Variants in TMEM108 observed in about 807,000 individuals in gnomAD.
TMEM108 encodes the protein cancer/testis antigen 124.
In TMEM108, 12 loss-of-function variants were observed where a neutral mutation model predicts 35.1. That is an observed-to-expected ratio of 0.34 (90% CI 0.22 to 0.55). The LOEUF is 0.55. TMEM108 is among the 20% of genes least tolerant of loss of function. TMEM108 has a pLI of 0.89. For synonymous variants in TMEM108, 287 were observed against 308.6 expected (o/e 0.93, Z 0.73); for missense variants, 680 against 753.3 (o/e 0.90, Z 1.14).
chr3:133,052,044 T>C (rs1368034669), intron 2 of TMEM108, among the ~76,000 whole-genome samples: 1 of 152,102 alleles, frequency 6.6e-6, no homozygotes, highest in African/African-American at 2.4e-5. Context: ...CTTGCTGGGA[T>C]TTTGATTGGG....
intron 3 of TMEM108, among the ~76,000 whole-genome samples, chr3:133,326,120 AC>A (rs1276617558): frequency 2.0e-5 from 3 of 152,190 alleles, no homozygotes; most frequent in Non-Finnish European, 1.5e-5. Context: ...AAACAAAAAA[AC>A]ACAAAATTTT....
chr3:133,142,425 A>T (rs990322106), intron 2 of TMEM108, among the ~76,000 whole-genome samples: 1 of 152,194 alleles, frequency 6.6e-6, no homozygotes, highest in African/African-American at 2.4e-5. Flanking sequence ...TGAGGAGAGC[A>T]GCTCAGCTGG....
At chr3:133,237,808 T>C (rs1042455666) in intron 3 of TMEM108, among the ~76,000 whole-genome samples, 2 of 152,218 alleles carry the variant, frequency 1.3e-5, no homozygotes, top group Non-Finnish European at 1.5e-5. Context: ...GCAAATGCTT[T>C]TTCATTAAAA....
intron 2 of TMEM108, among the ~76,000 whole-genome samples, chr3:133,090,640 A>G (rs1029371529): frequency 1.1e-3 from 163 of 152,338 alleles, no homozygotes; most frequent in African/African-American, 3.7e-3. Flanking sequence ...TCAAAGGCGC[A>G]TTTTTAAGAG....
chr3:133,238,429 G>A (rs767432792), intron 3 of TMEM108, among the ~76,000 whole-genome samples: 1 of 152,132 alleles, frequency 6.6e-6, no homozygotes, highest in African/African-American at 2.4e-5. Context: ...AAGACAAAAC[G>A]TTTCTTAAAC....
intron 2 of TMEM108, among the ~76,000 whole-genome samples, chr3:133,067,263 G>T (rs115420294): frequency 0.028 from 4,203 of 152,150 alleles, 103 homozygotes; most frequent in South Asian, 0.061. Context: ...AGAGGAGCTC[G>T]TGTGCTTCAC....
intron 3 of TMEM108, among the ~76,000 whole-genome samples, chr3:133,255,144 G>A (rs535453760): frequency 1.3e-5 from 2 of 152,286 alleles, no homozygotes; most frequent in East Asian, 3.9e-4. Flanking sequence ...AGATTACATG[G>A]CCTAGCCAGG....
chr3:133,272,312 T>TGTGTGTG (rs1553755045), intron 3 of TMEM108, among the ~76,000 whole-genome samples: 5 of 141,910 alleles, frequency 3.5e-5, no homozygotes, highest in South Asian at 2.3e-4. Context: ...TGTGTGTGTG[T>TGTGTGTG]TTCCTAAAGG....
At chr3:133,310,699 A>C (rs1221661411) in intron 3 of TMEM108, among the ~76,000 whole-genome samples, 1 of 151,764 alleles carries the variant, frequency 6.6e-6, no homozygotes, top group Non-Finnish European at 1.5e-5. Context: ...GTGTCTTTTA[A>C]TTGGGGCATT....
At chr3:133,227,670 G>A (rs1946094235) in intron 2 of TMEM108, among the ~76,000 whole-genome samples, 1 of 151,656 alleles carries the variant, frequency 6.6e-6, no homozygotes, top group South Asian at 2.1e-4. Context: ...GCTGAGATGG[G>A]CAGATCATGA....
chr3:133,191,399 A>T (rs543100060), intron 2 of TMEM108, among the ~76,000 whole-genome samples: 9 of 152,316 alleles, frequency 5.9e-5, no homozygotes, highest in African/African-American at 1.7e-4. Flanking sequence ...GTTTTGAGAA[A>T]TGTTTATGAA....
chr3:133,340,163 T>G (rs1474378227), intron 3 of TMEM108, among the ~76,000 whole-genome samples: 3 of 67,404 alleles, frequency 4.5e-5, no homozygotes, highest in East Asian at 7.2e-4. Context: ...AAAAAGTTGT[T>G]TTTTTTTGAA....
At chr3:133,039,509 A>G (rs1387781589) in intron 1 of TMEM108, among the ~76,000 whole-genome samples, 2 of 152,168 alleles carry the variant, frequency 1.3e-5, no homozygotes, top group African/African-American at 4.8e-5. Context: ...TACTTTAAAA[A>G]GGGGAAGGTA....
chr3:133,243,555 C>T (rs913619352), intron 3 of TMEM108, among the ~76,000 whole-genome samples: 2 of 151,802 alleles, frequency 1.3e-5, no homozygotes, highest in Non-Finnish European at 2.9e-5. Flanking sequence ...GAGTCTCGTT[C>T]TGTCACCCAG....
At chr3:133,039,722 CTT>C (rs1316596121) in intron 1 of TMEM108, among the ~76,000 whole-genome samples, 1 of 152,188 alleles carries the variant, frequency 6.6e-6, no homozygotes, top group Non-Finnish European at 1.5e-5. Flanking sequence ...GTGTTCTGGA[CTT>C]TCCACGTAAT....
intron 2 of TMEM108, among the ~76,000 whole-genome samples, chr3:133,084,767 G>T (rs1302430553): frequency 6.6e-6 from 1 of 152,186 alleles, no homozygotes; most frequent in Non-Finnish European, 1.5e-5. Flanking sequence ...GTACAAGGAA[G>T]TTAATTCCTT....
chr3:133,212,593 A>G (rs887305460), intron 2 of TMEM108, among the ~76,000 whole-genome samples: 3 of 152,084 alleles, frequency 2.0e-5, no homozygotes, highest in Admixed American at 6.5e-5. Context: ...ACGGCCAGGC[A>G]TGGTGTCTCA....
intron 2 of TMEM108, among the ~76,000 whole-genome samples, chr3:133,081,738 A>G (rs978601615): frequency 1.3e-5 from 2 of 152,218 alleles, no homozygotes; most frequent in African/African-American, 4.8e-5. Flanking sequence ...CAAAAGATCT[A>G]TTGGGGAAAG....
chr3:133,273,311 G>GT (rs1355730555), intron 3 of TMEM108, among the ~76,000 whole-genome samples: 9 of 152,266 alleles, frequency 5.9e-5, no homozygotes, highest in South Asian at 2.1e-4. Context: ...GTAAATGTGG[G>GT]TTTTTTCCCT....
Sources: gnomAD v4.1 joint callset for allele counts (sites outside exome capture counted in the v4.1 genomes callset) on GRCh38, gnomAD v4.1.1 for gene constraint, MANE v1.5 for transcripts, NCBI Gene and HGNC (gene_info 2026-07-23, HGNC 2026-07-21) for gene names.